Variants in GRM8 observed in about 807,000 individuals in gnomAD.
GRM8 encodes the protein metabotropic glutamate receptor 8.
In GRM8, 47 loss-of-function variants were observed where a neutral mutation model predicts 87.2. That is an observed-to-expected ratio of 0.54 (90% CI 0.43 to 0.69). GRM8 has a LOEUF of 0.69. Ranked by LOEUF, GRM8 falls within the 30% of genes least tolerant of loss-of-function variation. GRM8 has a pLI of 0.00. For synonymous variants in GRM8, 396 were observed against 404.5 expected (o/e 0.98, Z 0.25); for missense variants, 1,019 against 1,139.2 (o/e 0.89, Z 1.52).
intron 2 of GRM8, among the ~76,000 whole-genome samples, chr7:127,144,783 G>A (rs7791539): frequency 0.39 from 58,786 of 151,862 alleles, 13,528 homozygotes; most frequent in African/African-American, 0.65. Context: ...GTCATTCTGG[G>A]TGGACATTTT....
intron 6 of GRM8, among the ~76,000 whole-genome samples, chr7:126,808,741 A>G (rs1762965163): frequency 6.6e-6 from 1 of 152,234 alleles, no homozygotes; most frequent in African/African-American, 2.4e-5. Flanking sequence ...TTTGCAAATT[A>G]AACTGTAGTA....
chr7:127,079,502 TA>T (rs890444533), intron 3 of GRM8, among the ~76,000 whole-genome samples: 3 of 152,188 alleles, frequency 2.0e-5, no homozygotes, highest in Non-Finnish European at 2.9e-5. Flanking sequence ...TATTTAAAGA[TA>T]AAAACAAATA....
At chr7:126,793,256 A>C (rs1174825789) in intron 6 of GRM8, among the ~76,000 whole-genome samples, 1 of 152,182 alleles carries the variant, frequency 6.6e-6, no homozygotes, top group Non-Finnish European at 1.5e-5. Context: ...CGTGTGAACC[A>C]ATATCTACCA....
chr7:126,861,989 G>T, intron 6 of GRM8, among the ~76,000 whole-genome samples: 1 of 151,634 alleles, frequency 6.6e-6, no homozygotes, highest in South Asian at 2.1e-4. Context: ...TTTGGGTTTT[G>T]TTTGTTTGTT....
chr7:126,856,896 T>C (rs1797737530), intron 6 of GRM8, among the ~76,000 whole-genome samples: 1 of 152,226 alleles, frequency 6.6e-6, no homozygotes, highest in Admixed American at 6.5e-5. Flanking sequence ...CTAAGACAAT[T>C]ACCTCTTCTT....
chr7:126,812,916 C>T (rs1020284645), intron 6 of GRM8, among the ~76,000 whole-genome samples: 10 of 152,068 alleles, frequency 6.6e-5, no homozygotes, highest in Non-Finnish European at 2.9e-5. Context: ...TTTATGCAGT[C>T]TACCACCAAT....
At chr7:126,496,591 A>G (rs1490273112) in intron 9 of GRM8, among the ~76,000 whole-genome samples, 1 of 151,982 alleles carries the variant, frequency 6.6e-6, no homozygotes, top group Non-Finnish European at 1.5e-5. Flanking sequence ...CACTGGAACC[A>G]TGTTTTTTGC....
chr7:126,682,495 T>C (rs966645978), intron 7 of GRM8, among the ~76,000 whole-genome samples: 4 of 152,244 alleles, frequency 2.6e-5, no homozygotes, highest in Admixed American at 2.6e-4. Flanking sequence ...ATCTTGTAGA[T>C]GATAGTTTTA....
chr7:126,607,731 G>A (rs189835177), intron 8 of GRM8, among the ~76,000 whole-genome samples: 3 of 151,776 alleles, frequency 2.0e-5, no homozygotes, highest in Non-Finnish European at 2.9e-5. Context: ...AAGTTTTAGG[G>A]TACATGTGCA....
chr7:127,010,085 C>T (rs775510968), intron 3 of GRM8, among the ~76,000 whole-genome samples: 5 of 152,078 alleles, frequency 3.3e-5, no homozygotes, highest in Non-Finnish European at 5.9e-5. Flanking sequence ...TGAAGTGATC[C>T]GACTGCCTCA....
intron 6 of GRM8, among the ~76,000 whole-genome samples, chr7:126,877,181 T>C (rs142315404): frequency 0.013 from 2,022 of 152,288 alleles, 50 homozygotes; most frequent in African/African-American, 0.046. Context: ...TCTTTCTCTC[T>C]CTGCAACTTT....
chr7:126,547,364 G>T (rs1270201149), intron 8 of GRM8, among the ~76,000 whole-genome samples: 2 of 151,870 alleles, frequency 1.3e-5, no homozygotes, highest in Admixed American at 6.6e-5. Context: ...TAACTCCAGA[G>T]ATTTTTTTAA....
At chr7:126,667,177 C>CATT (rs1178123549) in intron 7 of GRM8, among the ~76,000 whole-genome samples, 5 of 151,996 alleles carry the variant, frequency 3.3e-5, no homozygotes, top group Admixed American at 2.6e-4. Context: ...ATGTATATAC[C>CATT]ATTATTATTA....
intron 3 of GRM8, among the ~76,000 whole-genome samples, chr7:127,051,738 GCAAAAAAA>G (rs1352089248): frequency 6.9e-3 from 90 of 13,050 alleles, no homozygotes; most frequent in East Asian, 0.013. Flanking sequence ...ATAATGTTGA[GCAAAAAAA>G]AAAAAAAAAA....
At chr7:126,467,633 T>C (rs1302339285) in intron 9 of GRM8, among the ~76,000 whole-genome samples, 1 of 152,044 alleles carries the variant, frequency 6.6e-6, no homozygotes, top group Non-Finnish European at 1.5e-5. Flanking sequence ...AAACAAAGTG[T>C]ATACTCTTAA....
chr7:126,935,123 C>T (rs1207851845), intron 3 of GRM8, among the ~76,000 whole-genome samples: 2 of 152,168 alleles, frequency 1.3e-5, no homozygotes, highest in Admixed American at 6.5e-5. Flanking sequence ...TTCTCTGTCA[C>T]CTCTCTGGGA....
intron 3 of GRM8, among the ~76,000 whole-genome samples, chr7:126,951,101 G>GT (rs1808093998): frequency 6.6e-6 from 1 of 152,002 alleles, no homozygotes; most frequent in African/African-American, 2.4e-5. Context: ...TCTTTGAATT[G>GT]TTACAGGCTA....
chr7:127,092,679 C>T (rs1824262732), intron 3 of GRM8, among the ~76,000 whole-genome samples: 3 of 152,098 alleles, frequency 2.0e-5, no homozygotes, highest in African/African-American at 7.2e-5. Flanking sequence ...TGCACTACAG[C>T]CTGGGTGACA....
At chr7:126,635,853 T>C (rs1328535405) in intron 7 of GRM8, among the ~76,000 whole-genome samples, 1 of 152,164 alleles carries the variant, frequency 6.6e-6, no homozygotes, top group African/African-American at 2.4e-5. Flanking sequence ...ATTTATGAGA[T>C]AATAAATTTA....
Sources: gnomAD v4.1 joint callset for allele counts (sites outside exome capture counted in the v4.1 genomes callset) on GRCh38, gnomAD v4.1.1 for gene constraint, MANE v1.5 for transcripts, NCBI Gene and HGNC (gene_info 2026-07-23, HGNC 2026-07-21) for gene names.